The following WRN variants were observed in gnomAD, a reference collection of about 807,000 sequenced individuals.
The protein encoded by WRN is bifunctional 3'-5' exonuclease/ATP-dependent helicase WRN.
WRN carries 149 observed loss-of-function variants against 180.7 expected under a neutral mutation model. The observed-to-expected ratio is 0.82, with a 90% CI of 0.72 to 0.94. The LOEUF (loss-of-function observed/expected upper bound fraction) is 0.94, where lower values mean the gene tolerates loss of function less well. WRN is among the 40% of genes least tolerant of loss of function. The pLI is 0.00. For missense variants in WRN, 1,661 were observed against 1,700.1 expected (o/e 0.98, Z 0.40); for synonymous variants, 548 against 568.9 (o/e 0.96, Z 0.52).
intron 3 of WRN, among the ~76,000 whole-genome samples, chr8:31,062,910 A>G (rs1014249685): frequency 7.9e-5 from 12 of 152,150 alleles, no homozygotes; most frequent in African/African-American, 2.9e-4. Flanking sequence ...TACTCAATGC[A>G]GCCTCAACCT....
intron 24 of WRN, among the ~76,000 whole-genome samples, chr8:31,135,787 G>C (rs933285175): frequency 1.6e-5 from 2 of 127,050 alleles, no homozygotes; most frequent in African/African-American, 3.0e-5. Flanking sequence ...TGGAGAAGTG[G>C]CAAGTCTTTT....
intron 23 of WRN, among the ~76,000 whole-genome samples, chr8:31,129,734 C>T (rs1038637054): frequency 2.0e-5 from 3 of 151,916 alleles, no homozygotes; most frequent in Non-Finnish European, 2.9e-5. Flanking sequence ...AGGCTGGGTG[C>T]GTTGGCTCAC....
chr8:31,080,824 A>G (rs1233132419), intron 8 of WRN, 43 bp from the exon 9 acceptor site: 1 of 1,492,202 alleles, frequency 6.7e-7, no homozygotes, highest in Non-Finnish European at 9.1e-7. Flanking sequence ...CTTGTAGTTA[A>G]TGCAATTGAA....
chr8:31,034,545 A>C (rs940105563), intron 1 of WRN, among the ~76,000 whole-genome samples: 3 of 152,130 alleles, frequency 2.0e-5, no homozygotes, highest in Non-Finnish European at 2.9e-5. Context: ...GGTTCGGTAC[A>C]TTTCTTTTTA....
At chr8:31,154,977 A>T (rs1396605678) in intron 32 of WRN, among the ~76,000 whole-genome samples, 1 of 152,196 alleles carries the variant, frequency 6.6e-6, no homozygotes. Context: ...AATATCTTCT[A>T]GAGATTGTAT....
chr8:31,131,935 T>C (rs1802192506), intron 23 of WRN: 1 of 159,312 alleles, frequency 6.3e-6, no homozygotes, highest in Non-Finnish European at 1.3e-5. Flanking sequence ...GCAACTGAGA[T>C]GTGTTTTTTC....
At chr8:31,088,773 T>A (rs1231468679) in intron 12 of WRN, 117 bp from the exon 13 acceptor site, 21 of 842,400 alleles carry the variant, frequency 2.5e-5, no homozygotes, top group Non-Finnish European at 3.9e-5. Context: ...TAGAAAACAT[T>A]AACCCATGGT....
At chr8:31,124,737 C>T in intron 22 of WRN, 114 bp downstream of exon 22, 2 of 1,247,666 alleles carry the variant, frequency 1.6e-6, no homozygotes, top group Non-Finnish European at 2.3e-6. Flanking sequence ...GTTGCTGTTA[C>T]ATGTGTGCTG....
In WRN at chr8:31,041,467, A is replaced by G. The variant is rs118133341; in HGVS notation, c.-77+7494A>G. On this transcript the variant is annotated intron_variant, in intron 1 of 34. Coordinates refer to ENST00000298139, the MANE Select transcript of WRN (RefSeq NM_000553.6). Reference sequence around the variant, plus strand: ...CAGAAACATCCTCACAGACACACCCAGAATAATGGTTAGCCAAATATCTGG... The same window carrying G: ...CAGAAACATCCTCACAGACACACCCGGAATAATGGTTAGCCAAATATCTGG... Among the ~76,000 whole-genome samples the G allele has an allele frequency of 8.8e-4, 134 of 152,346 alleles. 1 individual carries two copies. In the East Asian group the frequency reaches 0.015, roughly 17 times the overall value.
chr8:31,034,976 G>C (rs1396652036), intron 1 of WRN, among the ~76,000 whole-genome samples: 1 of 152,092 alleles, frequency 6.6e-6, no homozygotes, highest in Non-Finnish European at 1.5e-5. Context: ...GAGTGAGACG[G>C]GACTGTTTTT....
At chr8:31,171,785 A>T (rs1034966388) in intron 34 of WRN, among the ~76,000 whole-genome samples, 9 of 152,190 alleles carry the variant, frequency 5.9e-5, no homozygotes, top group African/African-American at 2.2e-4. Context: ...CCTTTTTTAA[A>T]CATAGGGAAT....
chr8:31,116,537 A>C lies in WRN; in HGVS notation c.2448+9A>C. ...TAAGAGATGAAATTCAGGTATGAGGATCAATCATCATTGCTCTCCGTTGCT... is the reference window on the plus strand; with the variant it reads ...TAAGAGATGAAATTCAGGTATGAGGCTCAATCATCATTGCTCTCCGTTGCT... On this transcript the variant is annotated intron_variant, in intron 20 of 34. Transcript: ENST00000298139. 6.2e-7 allele frequency: 1 copy of C among 1,613,538 alleles called. No individual in the cohort carries two copies. Among genetic ancestry groups the C allele is most frequent in the Non-Finnish European group, 8.5e-7 (1 of 1,179,774 alleles).
At chr8:31,068,224 A>G (rs535554668) in intron 6 of WRN, 34 bp from the exon 7 acceptor site, 3 of 1,484,800 alleles carry the variant, frequency 2.0e-6, no homozygotes, top group Non-Finnish European at 2.8e-6. Context: ...GGTGATCTTT[A>G]GCATACTTTT....
chr8:31,042,951 G>T (rs1811714017), intron 1 of WRN, among the ~76,000 whole-genome samples: 1 of 152,092 alleles, frequency 6.6e-6, no homozygotes, highest in South Asian at 2.1e-4. Context: ...ATCAAGAAGT[G>T]GTCTTACATT....
chr8:31,073,444 A>G (rs1283579502), intron 7 of WRN, among the ~76,000 whole-genome samples: 3 of 152,216 alleles, frequency 2.0e-5, no homozygotes, highest in East Asian at 3.8e-4. Context: ...ACAGATTATG[A>G]GAAGAACAGG....
chr8:31,099,359 G>A (rs1424582029), intron 17 of WRN, among the ~76,000 whole-genome samples: 1 of 150,064 alleles, frequency 6.7e-6, no homozygotes, highest in East Asian at 1.9e-4. Context: ...AGCCGAGATT[G>A]CGCCACTGCA....
chr8:31,145,994 T>TA (rs985630985), intron 28 of WRN, among the ~76,000 whole-genome samples: 8 of 151,808 alleles, frequency 5.3e-5, no homozygotes, highest in Admixed American at 2.6e-4. Context: ...CTTAAAATAA[T>TA]ACCTATACTT....
chr8:31,083,516 C>A (rs557484687), intron 9 of WRN, among the ~76,000 whole-genome samples, 183 bp from the exon 10 acceptor site: 1 of 151,618 alleles, frequency 6.6e-6, no homozygotes, highest in Admixed American at 6.6e-5. Flanking sequence ...TTCTTTGTTT[C>A]TTTGTTCATT....
chr8:31,153,288 CA>C (rs1162357389), intron 31 of WRN, among the ~76,000 whole-genome samples: 2 of 152,154 alleles, frequency 1.3e-5, no homozygotes, highest in Non-Finnish European at 2.9e-5. Flanking sequence ...TAACAAGACA[CA>C]TTAGACTTTT....
Sources: gnomAD v4.1 joint callset for allele counts (sites outside exome capture counted in the v4.1 genomes callset) on GRCh38, gnomAD v4.1.1 for gene constraint, MANE v1.5 for transcripts, NCBI Gene and HGNC (gene_info 2026-07-23, HGNC 2026-07-21) for gene names.